Variants in LAPTM4B observed in about 807,000 individuals in gnomAD.
The protein encoded by LAPTM4B is lysosomal-associated transmembrane protein 4B.
A neutral mutation model predicts 28.5 loss-of-function variants in LAPTM4B; 26 were observed. The ratio of observed to expected loss-of-function variants is 0.91; its 90% CI spans 0.67 to 1.27. The LOEUF (loss-of-function observed/expected upper bound fraction) is 1.27, where lower values mean the gene tolerates loss of function less well. Among genes scored for constraint, LAPTM4B ranks in the 50% most tolerant of loss-of-function variants. The pLI, the probability that LAPTM4B is intolerant of heterozygous loss-of-function variation, is 0.00. For missense variants in LAPTM4B, 288 were observed against 285.8 expected, an observed-to-expected ratio of 1.01 and a Z score of -0.06; for synonymous variants, 109 against 106.4, an observed-to-expected ratio of 1.02 and a Z score of -0.15.
intron 1 of LAPTM4B, among the ~76,000 whole-genome samples, chr8:97,790,266 T>A (rs1816477995): frequency 6.6e-6 from 1 of 152,106 alleles, no homozygotes; most frequent in Admixed American, 6.6e-5. Context: ...ATAGCTCTAT[T>A]TTTAGTTTTT....
At chr8:97,813,408 C>A (rs1241025802) in intron 2 of LAPTM4B, among the ~76,000 whole-genome samples, 2 of 152,236 alleles carry the variant, frequency 1.3e-5, no homozygotes, top group African/African-American at 4.8e-5. Flanking sequence ...TTTATTCTAG[C>A]CAGGCTGGCA....
At chr8:97,815,893 T>G (rs1816904667) in intron 3 of LAPTM4B, among the ~76,000 whole-genome samples, 165 bp from the exon 4 acceptor site, 1 of 152,208 alleles carries the variant, frequency 6.6e-6, no homozygotes, top group South Asian at 2.1e-4. Flanking sequence ...CACTGAAGCT[T>G]ATTTGTTGAC....
At chr8:97,815,631 A>G (rs902864412) in intron 3 of LAPTM4B, among the ~76,000 whole-genome samples, 1 of 151,610 alleles carries the variant, frequency 6.6e-6, no homozygotes. Context: ...GAGTGGTGTG[A>G]TCTTAGCTCA....
intron 1 of LAPTM4B, among the ~76,000 whole-genome samples, chr8:97,787,283 C>CTT (rs1816418164): frequency 1.7e-5 from 2 of 119,776 alleles, no homozygotes; most frequent in Non-Finnish European, 1.8e-5. Flanking sequence ...GGAGATGTTT[C>CTT]TTTCTTTTTT....
At chr8:97,832,555 C>T (rs1315846270) in intron 6 of LAPTM4B, among the ~76,000 whole-genome samples, 1 of 152,036 alleles carries the variant, frequency 6.6e-6, no homozygotes, top group African/African-American at 2.4e-5. Context: ...AATTATATTC[C>T]TGGAAAAGGT....
At chr8:97,809,732 T>G (rs183153004) in intron 2 of LAPTM4B, among the ~76,000 whole-genome samples, 71 of 152,158 alleles carry the variant, frequency 4.7e-4, no homozygotes, top group Middle Eastern at 3.4e-3. Context: ...AATATAGCAA[T>G]TTTATCTTGA....
chr8:97,827,388 G>T (rs1023307180), intron 6 of LAPTM4B, among the ~76,000 whole-genome samples: 1 of 152,210 alleles, frequency 6.6e-6, no homozygotes, highest in Non-Finnish European at 1.5e-5. Context: ...ACTCCTGGAG[G>T]TTCCTTGAGG....
At chr8:97,776,155 C>T (rs766820122) in intron 1 of LAPTM4B, 47 bp downstream of exon 1, 9 of 1,503,370 alleles carry the variant, frequency 6.0e-6, no homozygotes, top group Non-Finnish European at 3.5e-6. Flanking sequence ...CTTCCGCGCC[C>T]CTAGCTGGGC....
intron 1 of LAPTM4B, among the ~76,000 whole-genome samples, chr8:97,785,718 G>C (rs1337406643): frequency 6.6e-6 from 1 of 152,186 alleles, no homozygotes; most frequent in Non-Finnish European, 1.5e-5. Context: ...ACATTGGTTC[G>C]TGATTGGCTA....
chr8:97,798,227 A>G (rs953871997), intron 1 of LAPTM4B, among the ~76,000 whole-genome samples: 6 of 152,244 alleles, frequency 3.9e-5, no homozygotes, highest in Admixed American at 1.3e-4. Flanking sequence ...GACCTTTTCT[A>G]TCTGTCTGGG....
intron 6 of LAPTM4B, among the ~76,000 whole-genome samples, chr8:97,831,199 T>G (rs1004451552): frequency 1.2e-4 from 19 of 152,160 alleles, no homozygotes; most frequent in Non-Finnish European, 2.9e-5. Flanking sequence ...ATCTGACTAA[T>G]GAAGGCTGGA....
chr8:97,828,225 TG>T (rs1817123745), intron 6 of LAPTM4B, among the ~76,000 whole-genome samples: 1 of 151,994 alleles, frequency 6.6e-6, no homozygotes, highest in African/African-American at 2.4e-5. Context: ...GGAGGGATGA[TG>T]GGAGATTTTT....
At chr8:97,815,964 A>G in intron 3 of LAPTM4B, 94 bp from the exon 4 acceptor site, 1 of 1,258,752 alleles carries the variant, frequency 7.9e-7, no homozygotes. Flanking sequence ...CAATTTTTCC[A>G]TTTCCTTTCA....
At chr8:97,807,735 G>C (rs370253218) in intron 2 of LAPTM4B, among the ~76,000 whole-genome samples, 1 of 152,130 alleles carries the variant, frequency 6.6e-6, no homozygotes, top group Non-Finnish European at 1.5e-5. Context: ...AGCTCCAACT[G>C]TAAGAGGCCA....
chr8:97,830,039 A>C (rs1347684982), intron 6 of LAPTM4B, among the ~76,000 whole-genome samples: 1 of 152,166 alleles, frequency 6.6e-6, no homozygotes, highest in Non-Finnish European at 1.5e-5. Context: ...CGGGAGGGTA[A>C]AGGTGTGGGG....
At chr8:97,819,532 A>T (rs569285904) in intron 5 of LAPTM4B, among the ~76,000 whole-genome samples, 3 of 152,232 alleles carry the variant, frequency 2.0e-5, no homozygotes, top group Admixed American at 2.0e-4. Context: ...TGTAATGGAT[A>T]TTCTTTTGTA....
intron 2 of LAPTM4B, among the ~76,000 whole-genome samples, chr8:97,814,860 A>G (rs750991835): frequency 2.6e-5 from 4 of 151,974 alleles, no homozygotes; most frequent in Non-Finnish European, 5.9e-5. Context: ...CGCCCGGCTA[A>G]TTTTTTGTAT....
chr8:97,809,574 C>T (rs1165105498), intron 2 of LAPTM4B, among the ~76,000 whole-genome samples: 2 of 152,074 alleles, frequency 1.3e-5, no homozygotes, highest in African/African-American at 2.4e-5. Context: ...ATGGTGCGTA[C>T]CTGTAATCCC....
At chr8:97,816,689 G>T (rs13272843) in intron 4 of LAPTM4B, among the ~76,000 whole-genome samples, 68,640 of 152,014 alleles carry the variant, frequency 0.45, 15,978 homozygotes, top group East Asian at 0.58. Flanking sequence ...ACTAATAGTC[G>T]TATTTGGTAA....
Sources: allele counts gnomAD v4.1 joint callset (sites outside exome capture counted in the v4.1 genomes callset), GRCh38; gene constraint gnomAD v4.1.1; transcripts MANE v1.5; gene names NCBI Gene and HGNC (gene_info 2026-07-23, HGNC 2026-07-21).